Variants in CMIP observed in about 807,000 individuals in gnomAD.
CMIP encodes the protein C-Maf-inducing protein.
CMIP carries 13 observed loss-of-function variants against 97.3 expected under a neutral mutation model. That is an observed-to-expected ratio of 0.13 (90% CI 0.09 to 0.21). The LOEUF (loss-of-function observed/expected upper bound fraction) is 0.21. CMIP is among the 10% of genes least tolerant of loss of function. CMIP has a pLI of 1.00. For missense variants in CMIP, 847 were observed against 1,024.9 expected, an observed-to-expected ratio of 0.83 and a Z score of 2.37; for synonymous variants, 538 against 436.3, an observed-to-expected ratio of 1.23 and a Z score of -2.91.
At chr16:81,492,881 C>T (rs934063789) in intron 1 of CMIP, among the ~76,000 whole-genome samples, 6 of 151,420 alleles carry the variant, frequency 4.0e-5, no homozygotes, top group African/African-American at 7.3e-5. Context: ...GGTGGGGGTA[C>T]GTGGGAGAGA....
At chr16:81,540,630 G>A (rs10871417) in intron 1 of CMIP, among the ~76,000 whole-genome samples, 8,912 of 145,046 alleles carry the variant, frequency 0.061, 347 homozygotes, top group Middle Eastern at 0.11. Flanking sequence ...CCAGTTAAAT[G>A]TGTCTTGTTT....
Position 81,616,632 on chromosome 16 carries a change from A to G in CMIP, c.427-4244A>G, listed in dbSNP as rs745795105. Among the ~76,000 whole-genome samples, 18 of 152,144 alleles carry G rather than the reference A, an allele frequency of 1.2e-4. No individual in the cohort carries two copies. Among genetic ancestry groups the G allele is most frequent in the Non-Finnish European group, 8.8e-5 (6 of 68,034 alleles). On this transcript the variant is annotated intron_variant, in intron 2 of 20. Transcript: ENST00000537098. The surrounding 1 kb of genome is among the most constrained non-coding windows in gnomAD (Gnocchi z 4.7). ...ACCTGCCTTCTTCCTGGACTGCCACACCGACCTCCAAGAGTTGAGAGGATC... is the reference window on the plus strand; with the variant it reads ...ACCTGCCTTCTTCCTGGACTGCCACGCCGACCTCCAAGAGTTGAGAGGATC...
chr16:81,587,009 T>A (rs182813372), intron 1 of CMIP, among the ~76,000 whole-genome samples: 1 of 152,340 alleles, frequency 6.6e-6, no homozygotes, highest in East Asian at 1.9e-4. Flanking sequence ...TTTCCCAATT[T>A]AGAAAAGTAA....
In CMIP at chr16:81,678,597, C is replaced by G. The variant is rs748781815; in HGVS notation, c.1357C>G (p.Leu453Val). 10 of 1,594,820 alleles carry G rather than the reference C, an allele frequency of 6.3e-6. No individual in the cohort carries two copies. The highest frequency in any genetic ancestry group is 3.4e-6 in the Non-Finnish European group (4 of 1,168,242). The part of the protein sequence containing the change: ...IELGPQADRT[L>V]GCYVEILKLL... ...GCTGGGCCCCCAGGCCGACCGCACG[C>G]TCGGCTGCTACGTGGAAATCCTCAA... is the stretch of plus-strand genomic sequence containing the variant. Residue 453 changes from leucine to valine, a missense_variant, in exon 10 of 21, where the codon CTC becomes GTC. By Grantham distance (32) the Leu-to-Val change is conservative. This residue lies in a region of CMIP where 202 missense variants were observed against 168.7 expected (regional missense o/e 1.20). Transcript: ENST00000537098.
Position 81,664,314 on chromosome 16 carries a change from AC to A in CMIP, c.795del (p.Val266TrpfsTer18). On this transcript the variant is annotated frameshift_variant, in exon 7 of 21. Transcript: ENST00000537098. LOFTEE classifies it high-confidence loss of function. Reference protein sequence around the residue: ...PRSMVVIEVFTPVVQRILKHN... With the variant: ...PRSMVVIEVFXPVVQRILKHN... Reference sequence around the variant, plus strand: ...GTCCATGGTGGTCATCGAGGTGTTCACCCCCGTGGTGCAGCGAATCCTCAAG... The same window carrying A: ...GTCCATGGTGGTCATCGAGGTGTTCACCCCGTGGTGCAGCGAATCCTCAAG... 1 of 1,601,172 alleles carries A rather than the reference AC, an allele frequency of 6.2e-7. No individual in the cohort carries two copies. Among genetic ancestry groups the A allele is most frequent in the Non-Finnish European group, 8.5e-7 (1 of 1,174,590 alleles).
At chr16:81,549,389 A>G (rs1597543928) in intron 1 of CMIP, among the ~76,000 whole-genome samples, 1 of 152,146 alleles carries the variant, frequency 6.6e-6, no homozygotes, top group African/African-American at 2.4e-5. Context: ...GGACTTTGTC[A>G]CCCATGAGGT....
intron 1 of CMIP, among the ~76,000 whole-genome samples, chr16:81,445,763 TA>T (rs1260046350): frequency 6.6e-6 from 1 of 151,864 alleles, no homozygotes; most frequent in Non-Finnish European, 1.5e-5. Context: ...GAGAGACCCT[TA>T]AAATGCTGGA....
rs370792194 is a variant in CMIP, at chr16:81,709,727, C to T, written c.2269-19C>T. The stretch of plus-strand genomic sequence containing the variant: ...GGGAATGGCCTACACGTGACAAGGA[C>T]TCTTATTGCCACCCCCAGGCCAAGC... On this transcript the variant is annotated intron_variant, in intron 20 of 20. Transcript: ENST00000537098. 1.9e-6 allele frequency: 3 copies of T among 1,613,766 alleles called. No individual in the cohort carries two copies. The highest frequency in any genetic ancestry group is 4.5e-5 in the East Asian group (2 of 44,884).
chr16:81,592,177 A>G (rs1186706849), intron 1 of CMIP, among the ~76,000 whole-genome samples: 2 of 152,024 alleles, frequency 1.3e-5, no homozygotes, highest in African/African-American at 2.4e-5. Flanking sequence ...TTACATCTTA[A>G]TTTTTTATAA....
chr16:81,452,880 GTTTT>G (rs1906311313), intron 1 of CMIP, among the ~76,000 whole-genome samples: 5 of 63,742 alleles, frequency 7.8e-5, no homozygotes, highest in East Asian at 3.6e-4. Flanking sequence ...TTTTTTTTTT[GTTTT>G]GTTTTTTTTT....
intron 1 of CMIP, among the ~76,000 whole-genome samples, chr16:81,565,747 G>A (rs1341537199): frequency 6.6e-6 from 1 of 152,172 alleles, no homozygotes; most frequent in Non-Finnish European, 1.5e-5. Flanking sequence ...TACCCAGGAG[G>A]GGTTTGACTC....
rs1354277608 is a variant in CMIP at position 81,621,184 on chromosome 16, C to G, written c.477+258C>G. Reference sequence around the variant, plus strand: ...AGCTGTTTTCCTGCTTCAAAAGGATCATAGAACTGCTTGCTCTCAGAGTGA... The same window carrying G: ...AGCTGTTTTCCTGCTTCAAAAGGATGATAGAACTGCTTGCTCTCAGAGTGA... On this transcript the variant is annotated intron_variant, in intron 3 of 20. Coordinates refer to ENST00000537098, the MANE Select transcript of CMIP (RefSeq NM_198390.3). This position sits in a 1 kb window ranked among gnomAD's most constrained non-coding sequence, Gnocchi z 4.1. The G allele has an allele frequency of 2.5e-6, 1 of 401,184 alleles. No homozygotes were observed. Among genetic ancestry groups the G allele is most frequent in the African/African-American group, 2.0e-5 (1 of 49,546 alleles). The allele number at this position is 401,184 out of a possible 1,614,324, so 24.9% of individuals were successfully genotyped here. A position where few individuals can be genotyped will look rare whatever the true frequency, so the allele number is the denominator to read the frequency against.
intron 1 of CMIP, among the ~76,000 whole-genome samples, chr16:81,472,780 G>A (rs1907636875): frequency 6.6e-6 from 1 of 152,216 alleles, no homozygotes; most frequent in East Asian, 1.9e-4. Flanking sequence ...TGAGTGCAGA[G>A]GCCCTGGGGT....
intron 1 of CMIP, among the ~76,000 whole-genome samples, chr16:81,487,187 C>T (rs1410694001): frequency 1.3e-5 from 2 of 152,176 alleles, no homozygotes; most frequent in Non-Finnish European, 2.9e-5. Flanking sequence ...GTGGGGGCTA[C>T]TTTGGGGTGC....
At chr16:81,703,044 G>A (rs1907597829) in intron 17 of CMIP, among the ~76,000 whole-genome samples, 1 of 152,062 alleles carries the variant, frequency 6.6e-6, no homozygotes, top group Non-Finnish European at 1.5e-5. Flanking sequence ...ATTTCACAAG[G>A]TCTTTAAGGG....
rs1907464172 is a variant in CMIP, at chr16:81,701,946, C to G, written c.1896+146C>G. On this transcript the variant is annotated intron_variant, in intron 16 of 20. Coordinates refer to ENST00000537098, the MANE Select transcript of CMIP (RefSeq NM_198390.3). ...AAACCCCAGAAATTGGTATTACCAC[C>G]TGCCACTTTTCAGGTAATCAAAGAG... The G allele has an allele frequency of 5.3e-6, 5 of 950,382 alleles. No homozygotes were observed. In the South Asian group the frequency reaches 6.1e-5, roughly 12 times the overall value. The allele number at this position is 950,382 out of a possible 1,614,324, so 58.9% of individuals were successfully genotyped here. A position where few individuals can be genotyped will look rare whatever the true frequency, so the allele number is the denominator to read the frequency against.
intron 1 of CMIP, among the ~76,000 whole-genome samples, chr16:81,479,438 C>G (rs1449751115): frequency 2.0e-5 from 3 of 152,104 alleles, no homozygotes; most frequent in Non-Finnish European, 4.4e-5. Context: ...ACCATCACCC[C>G]CATCCATCTC....
chr16:81,539,033 A>G (rs1178299322), intron 1 of CMIP, among the ~76,000 whole-genome samples: 1 of 152,204 alleles, frequency 6.6e-6, no homozygotes, highest in Non-Finnish European at 1.5e-5. Flanking sequence ...ATTCGATTAG[A>G]TAGTGCCGAG....
At chr16:81,448,201 C>A (rs149660231) in intron 1 of CMIP, among the ~76,000 whole-genome samples, 2 of 150,700 alleles carry the variant, frequency 1.3e-5, no homozygotes, top group Admixed American at 6.6e-5. Context: ...ATATTTTAAG[C>A]CATCTACACA....
Sources: allele counts gnomAD v4.1 joint callset (sites outside exome capture counted in the v4.1 genomes callset), GRCh38; gene constraint gnomAD v4.1.1; regional missense constraint gnomAD v4.1.1; non-coding constraint Gnocchi (gnomAD v3.1); transcripts MANE v1.5; gene names NCBI Gene and HGNC (gene_info 2026-07-23, HGNC 2026-07-21).